The following SPAG16 variants were observed in gnomAD, a reference collection of about 807,000 sequenced individuals.
SPAG16 encodes sperm associated antigen 16, also known as sperm-associated antigen 16 protein.
Under a neutral mutation model 80.4 loss-of-function variants are expected in SPAG16, and 86 were observed. The observed-to-expected ratio is 1.07, with a 90% CI of 0.90 to 1.28. The LOEUF is 1.28. Ranked by LOEUF, SPAG16 falls within the 50% of genes most tolerant of loss-of-function variation. The pLI is 0.00. For missense variants in SPAG16, 870 were observed against 765.3 expected, an observed-to-expected ratio of 1.14 and a Z score of -1.61; for synonymous variants, 294 against 265.9, an observed-to-expected ratio of 1.11 and a Z score of -1.03.
chr2:213,703,047 G>A (rs746828062), intron 10 of SPAG16, among the ~76,000 whole-genome samples: 1 of 152,196 alleles, frequency 6.6e-6, no homozygotes, highest in Non-Finnish European at 1.5e-5. Flanking sequence ...GAAGTGGAGG[G>A]TGTCACTTCC....
At chr2:213,947,575 G>A (rs1343702794) in intron 12 of SPAG16, among the ~76,000 whole-genome samples, 1 of 152,044 alleles carries the variant, frequency 6.6e-6, no homozygotes, top group African/African-American at 2.4e-5. Context: ...AAAGTGCCCT[G>A]TGTATTCTGG....
At chr2:213,334,941 C>A (rs75246211) in intron 5 of SPAG16, among the ~76,000 whole-genome samples, 8,143 of 152,024 alleles carry the variant, frequency 0.054, 703 homozygotes, top group African/African-American at 0.18. Context: ...TAAAAATAAC[C>A]GAAAGTAAAA....
intron 10 of SPAG16, among the ~76,000 whole-genome samples, chr2:213,813,910 A>G (rs960692214): frequency 1.3e-5 from 2 of 152,142 alleles, no homozygotes; most frequent in Non-Finnish European, 2.9e-5. Flanking sequence ...TGAGAAGCCC[A>G]TACTCTGAGG....
chr2:213,307,498 T>C (rs1462760411), intron 3 of SPAG16, among the ~76,000 whole-genome samples: 5 of 143,264 alleles, frequency 3.5e-5, no homozygotes, highest in African/African-American at 7.8e-5. Context: ...GAATGATGAT[T>C]TCCAATTTCA....
chr2:213,518,509 C>A, intron 10 of SPAG16, among the ~76,000 whole-genome samples: 1 of 152,156 alleles, frequency 6.6e-6, no homozygotes, highest in East Asian at 1.9e-4. Flanking sequence ...CCCACCTCAA[C>A]CTCCTGAAGT....
At chr2:213,511,917 C>G (rs1250056485) in intron 10 of SPAG16, among the ~76,000 whole-genome samples, 3 of 151,884 alleles carry the variant, frequency 2.0e-5, no homozygotes, top group African/African-American at 7.3e-5. Flanking sequence ...TTTGCACTCA[C>G]AATACTTTAG....
intron 14 of SPAG16, among the ~76,000 whole-genome samples, chr2:214,136,232 C>T (rs12694319): frequency 0.31 from 46,500 of 151,978 alleles, 7,504 homozygotes; most frequent in East Asian, 0.45. Context: ...TACTCTAACA[C>T]TGGGGATCAT....
At chr2:213,879,342 CT>C (rs1180139239) in intron 11 of SPAG16, among the ~76,000 whole-genome samples, 2 of 150,762 alleles carry the variant, frequency 1.3e-5, no homozygotes, top group Non-Finnish European at 3.0e-5. Flanking sequence ...TTGTAGTTTT[CT>C]TTGTAGAGAT....
chr2:213,868,710 A>G lies in SPAG16; in HGVS notation c.1214+6082A>G, dbSNP rs745957816. Among the ~76,000 whole-genome samples, 214 of 152,276 alleles carry G rather than the reference A, an allele frequency of 1.4e-3. 3 individuals carry two copies. Among genetic ancestry groups the G allele is most frequent in the Non-Finnish European group, 2.5e-3 (168 of 68,010 alleles). On this transcript the variant is annotated intron_variant, in intron 11 of 15. Transcript: ENST00000331683. Reference sequence around the variant, plus strand: ...GTGAAAGCAGTGGGATTAGTGGTTTAAACAATTTCACAGTGCCACATTTTA... The same window carrying G: ...GTGAAAGCAGTGGGATTAGTGGTTTGAACAATTTCACAGTGCCACATTTTA...
At chr2:213,383,517 A>G (rs2067281218) in intron 9 of SPAG16, among the ~76,000 whole-genome samples, 1 of 152,160 alleles carries the variant, frequency 6.6e-6, no homozygotes, top group Non-Finnish European at 1.5e-5. Context: ...CTCTTGAATG[A>G]TGATATACAC....
chr2:213,490,212 T>C (rs1412543738), intron 10 of SPAG16, 122 bp downstream of exon 10: 1 of 922,328 alleles, frequency 1.1e-6, no homozygotes, highest in Non-Finnish European at 1.6e-6. Context: ...TTGCTACTCA[T>C]AGCATGAAAG....
intron 9 of SPAG16, among the ~76,000 whole-genome samples, chr2:213,466,511 T>C (rs1439355846): frequency 4.6e-5 from 7 of 152,168 alleles, no homozygotes; most frequent in Admixed American, 2.6e-4. Flanking sequence ...TGCAGAATCA[T>C]GTAATGCCCA....
intron 11 of SPAG16, among the ~76,000 whole-genome samples, chr2:213,922,074 G>A (rs1260045590): frequency 6.6e-6 from 1 of 152,112 alleles, no homozygotes; most frequent in African/African-American, 2.4e-5. Flanking sequence ...GGTCTCTCTA[G>A]CAATGTTAGA....
chr2:214,157,284 T>C (rs541067202), intron 15 of SPAG16, among the ~76,000 whole-genome samples: 38 of 152,186 alleles, frequency 2.5e-4, no homozygotes, highest in Non-Finnish European at 5.0e-4. Flanking sequence ...TACATGTGTA[T>C]ATTAATAAAT....
chr2:213,960,123 A>G (rs1217925285), intron 12 of SPAG16, among the ~76,000 whole-genome samples: 1 of 151,850 alleles, frequency 6.6e-6, no homozygotes, highest in Non-Finnish European at 1.5e-5. Context: ...CCTATCTTCA[A>G]ATTTGTTTCC....
intron 15 of SPAG16, among the ~76,000 whole-genome samples, chr2:214,390,344 A>ATTTTTT (rs766813557): frequency 1.3e-4 from 13 of 98,272 alleles, no homozygotes; most frequent in South Asian, 3.9e-4. Context: ...TTTTTTTTAA[A>ATTTTTT]AAAAAAAAAA....
rs549459780 is a variant in SPAG16, at chr2:213,883,027, G to A, written c.1214+20399G>A. On this transcript the variant is annotated intron_variant, in intron 11 of 15. Transcript: ENST00000331683. ...ACTACAGGCACCCACCACCACACCCGGCTAATTTTTTTGTATTTTTAGTAG... is the reference window on the plus strand; with the variant it reads ...ACTACAGGCACCCACCACCACACCCAGCTAATTTTTTTGTATTTTTAGTAG... 3.9e-5 allele frequency among the ~76,000 whole-genome samples: 6 copies of A among 152,000 alleles called. No homozygotes were observed. The East Asian group carries it at 5.8e-4, about 15-fold the overall frequency.
At chr2:213,487,679 A>G (rs1261292895) in intron 9 of SPAG16, among the ~76,000 whole-genome samples, 3 of 152,120 alleles carry the variant, frequency 2.0e-5, no homozygotes, top group African/African-American at 7.2e-5. Flanking sequence ...AGCAGGACCT[A>G]GTTGATTAGG....
chr2:213,417,992 G>C (rs2069362920), intron 9 of SPAG16, among the ~76,000 whole-genome samples: 2 of 151,734 alleles, frequency 1.3e-5, no homozygotes, highest in South Asian at 4.2e-4. Flanking sequence ...TCCTGCCTCA[G>C]CCTTCCAAGT....
Sources: gnomAD v4.1 joint callset for allele counts (sites outside exome capture counted in the v4.1 genomes callset) on GRCh38, gnomAD v4.1.1 for gene constraint, MANE v1.5 for transcripts, NCBI Gene and HGNC (gene_info 2026-07-23, HGNC 2026-07-21) for gene names.